Variants in TRAPPC9 observed in about 807,000 individuals in gnomAD.
TRAPPC9 encodes IKK2 binding protein.
TRAPPC9 carries 83 observed loss-of-function variants against 124.0 expected under a neutral mutation model. The ratio of observed to expected loss-of-function variants is 0.67; its 90% CI spans 0.56 to 0.80. TRAPPC9 has a LOEUF of 0.80. Ranked by LOEUF, TRAPPC9 falls within the 30% of genes least tolerant of loss-of-function variation. The pLI is 0.00. For synonymous variants in TRAPPC9, 638 were observed against 617.5 expected, an observed-to-expected ratio of 1.03 and a Z score of -0.49; for missense variants, 1,302 against 1,508.3, an observed-to-expected ratio of 0.86 and a Z score of 2.27.
chr8:140,020,489 C>T lies in TRAPPC9; in HGVS notation c.2699+3448G>A, dbSNP rs563598544. On this transcript the variant is annotated intron_variant, in intron 18 of 22. Coordinates refer to ENST00000438773, the MANE Select transcript of TRAPPC9 (RefSeq NM_001160372.4). ...AAAAGTTTAAAAAATAAACCAGTTG[C>T]GGTCCTCTGCACCTGTAGTTTTAGC... Among the ~76,000 whole-genome samples, 26 of 152,214 alleles carry T rather than the reference C, an allele frequency of 1.7e-4. No individual in the cohort carries two copies. The South Asian group carries it at 2.3e-3, about 13-fold the overall frequency.
At chr8:140,026,209 T>C (rs1370276014) in intron 17 of TRAPPC9, among the ~76,000 whole-genome samples, 3 of 152,202 alleles carry the variant, frequency 2.0e-5, no homozygotes, top group Non-Finnish European at 4.4e-5. Flanking sequence ...AATATTCCAT[T>C]ACATGTATGT....
chr8:140,167,940 T>C (rs752181554), intron 17 of TRAPPC9, among the ~76,000 whole-genome samples: 4 of 152,164 alleles, frequency 2.6e-5, no homozygotes, highest in African/African-American at 9.7e-5. Context: ...CCAGAAAATA[T>C]GCATTATGGA....
intron 16 of TRAPPC9, among the ~76,000 whole-genome samples, chr8:140,226,567 G>C (rs998972108): frequency 1.3e-5 from 2 of 148,980 alleles, no homozygotes; most frequent in Admixed American, 6.8e-5. Context: ...ACTCCAGCCT[G>C]GGTGACAGGG....
At chr8:140,430,482 G>T (rs117849930) in intron 4 of TRAPPC9, among the ~76,000 whole-genome samples, 357 of 152,314 alleles carry the variant, frequency 2.3e-3, no homozygotes, top group Non-Finnish European at 4.2e-3. Context: ...GCTGCACTCA[G>T]GAAGCACACG....
rs1844300012 is a variant in TRAPPC9, at chr8:140,087,857, C to T, written c.2557-63778G>A. The stretch of plus-strand genomic sequence containing the variant: ...TCTCCTGCAGCTTGTCGCCGCCAGC[C>T]CCAGAAAAACCCACCATCACTGACA... On this transcript the variant is annotated intron_variant, in intron 17 of 22. Transcript: ENST00000438773. This position sits in a 1 kb window ranked among gnomAD's most constrained non-coding sequence, Gnocchi z 4.6. 6.6e-6 allele frequency among the ~76,000 whole-genome samples: 1 copy of T among 152,094 alleles called. No individual in the cohort carries two copies. The highest frequency in any genetic ancestry group is 1.5e-5 in the Non-Finnish European group (1 of 68,032).
intron 21 of TRAPPC9, among the ~76,000 whole-genome samples, chr8:139,866,238 G>A (rs1828527541): frequency 6.6e-6 from 1 of 152,190 alleles, no homozygotes; most frequent in Non-Finnish European, 1.5e-5. Context: ...TTAATGCTGG[G>A]GAGGTATAAT....
chr8:139,749,510 C>T (rs2130183381), intron 21 of TRAPPC9, among the ~76,000 whole-genome samples: 1 of 152,290 alleles, frequency 6.6e-6, no homozygotes, highest in South Asian at 2.1e-4. Context: ...AGAACTTCTT[C>T]CTACCATGAA....
chr8:140,107,514 G>A (rs1369541175), intron 17 of TRAPPC9, among the ~76,000 whole-genome samples: 2 of 152,346 alleles, frequency 1.3e-5, no homozygotes, highest in Non-Finnish European at 2.9e-5. Flanking sequence ...TATGAAAGGG[G>A]CATGTAGCCA....
intron 21 of TRAPPC9, among the ~76,000 whole-genome samples, chr8:139,795,115 A>G (rs904728630): frequency 1.3e-5 from 2 of 152,234 alleles, no homozygotes; most frequent in Non-Finnish European, 2.9e-5. Flanking sequence ...GACCAAAGAC[A>G]ACGGGCAGGC....
At chr8:140,363,867 G>A (rs2068025921) in intron 8 of TRAPPC9, among the ~76,000 whole-genome samples, 1 of 152,088 alleles carries the variant, frequency 6.6e-6, no homozygotes, top group African/African-American at 2.4e-5. Flanking sequence ...CAAAGTGCTG[G>A]GATTACAGGC....
intron 15 of TRAPPC9, among the ~76,000 whole-genome samples, chr8:140,274,989 G>A (rs923998267): frequency 6.6e-6 from 1 of 152,058 alleles, no homozygotes; most frequent in Non-Finnish European, 1.5e-5. Context: ...TAAATTACCC[G>A]GTTTTATTTA....
intron 17 of TRAPPC9, among the ~76,000 whole-genome samples, chr8:140,094,119 G>A (rs1366067453): frequency 1.3e-5 from 2 of 152,046 alleles, no homozygotes; most frequent in Non-Finnish European, 2.9e-5. Flanking sequence ...CTCACCCTGT[G>A]GACTGACTCT....
intron 17 of TRAPPC9, among the ~76,000 whole-genome samples, chr8:140,065,102 A>G (rs1251377767): frequency 1.3e-5 from 2 of 152,206 alleles, no homozygotes; most frequent in Non-Finnish European, 2.9e-5. Flanking sequence ...GCTTAATACA[A>G]CTTGTATTGA....
intron 21 of TRAPPC9, among the ~76,000 whole-genome samples, chr8:139,755,712 C>T (rs1257174161): frequency 1.4e-3 from 194 of 135,298 alleles, no homozygotes; most frequent in African/African-American, 5.5e-3. Flanking sequence ...GACAGCATGT[C>T]GCAGGAGGAG....
chr8:140,366,734 C>T (rs1003524222), intron 8 of TRAPPC9, among the ~76,000 whole-genome samples: 1 of 152,076 alleles, frequency 6.6e-6, no homozygotes, highest in Non-Finnish European at 1.5e-5. Flanking sequence ...AGCTAGACTT[C>T]GTTAAAATTT....
chr8:140,098,455 G>A (rs751752343), intron 17 of TRAPPC9: 15 of 152,014 alleles, frequency 9.9e-5, no homozygotes, highest in African/African-American at 1.9e-4. Flanking sequence ...GCGATCCGCA[G>A]GCTAAAAACG....
At chr8:140,408,543 C>T (rs192744322) in intron 5 of TRAPPC9, among the ~76,000 whole-genome samples, 1 of 152,278 alleles carries the variant, frequency 6.6e-6, no homozygotes, top group East Asian at 1.9e-4. Context: ...ACACCAAGAA[C>T]CAGTGTGGCA....
intron 19 of TRAPPC9, among the ~76,000 whole-genome samples, chr8:139,970,554 C>T (rs1458854105): frequency 2.6e-5 from 4 of 152,132 alleles, no homozygotes; most frequent in African/African-American, 9.7e-5. Flanking sequence ...GTCCCAGAGA[C>T]CTCAGACACA....
intron 17 of TRAPPC9, among the ~76,000 whole-genome samples, chr8:140,201,155 A>G (rs942850934): frequency 6.6e-6 from 1 of 152,176 alleles, no homozygotes; most frequent in Non-Finnish European, 1.5e-5. Flanking sequence ...CAGAGGCGGG[A>G]CTGTGGCCGG....
Sources: allele counts gnomAD v4.1 joint callset (sites outside exome capture counted in the v4.1 genomes callset), GRCh38; gene constraint gnomAD v4.1.1; non-coding constraint Gnocchi (gnomAD v3.1); transcripts MANE v1.5; gene names NCBI Gene and HGNC (gene_info 2026-07-23, HGNC 2026-07-21).